Variants in BICD1 observed in about 807,000 individuals in gnomAD.
The protein encoded by BICD1 is BICD cargo adaptor 1, also known as protein bicaudal D homolog 1.
BICD1 carries 35 observed loss-of-function variants against 92.5 expected under a neutral mutation model. The ratio of observed to expected loss-of-function variants is 0.38; its 90% CI spans 0.29 to 0.50. The LOEUF is 0.50. Among genes scored for constraint, BICD1 ranks in the 20% least tolerant of loss-of-function variants. The pLI, the probability that BICD1 is intolerant of heterozygous loss-of-function variation, is 0.93. For missense variants in BICD1, 950 were observed against 1,189.8 expected, an observed-to-expected ratio of 0.80 and a Z score of 2.97; for synonymous variants, 429 against 465.1, an observed-to-expected ratio of 0.92 and a Z score of 1.00.
intron 9 of BICD1, among the ~76,000 whole-genome samples, chr12:32,368,335 C>T (rs1000012860): frequency 3.3e-5 from 5 of 151,950 alleles, no homozygotes; most frequent in Non-Finnish European, 2.9e-5. Flanking sequence ...GCACACCTGC[C>T]TGGTGAGTAA....
At chr12:32,274,121 C>G (rs139872714) in intron 2 of BICD1, among the ~76,000 whole-genome samples, 1 of 152,140 alleles carries the variant, frequency 6.6e-6, no homozygotes, top group Admixed American at 6.5e-5. Context: ...AAGAAGAGTT[C>G]TTTTCGACAC....
intron 4 of BICD1, among the ~76,000 whole-genome samples, chr12:32,326,696 A>G (rs1014283807): frequency 6.6e-6 from 1 of 152,166 alleles, no homozygotes; most frequent in African/African-American, 2.4e-5. Context: ...ACCAGCCTGG[A>G]CAACATAGCA....
chr12:32,347,958 T>A (rs969569859), intron 8 of BICD1, among the ~76,000 whole-genome samples: 1 of 152,214 alleles, frequency 6.6e-6, no homozygotes, highest in Non-Finnish European at 1.5e-5. Flanking sequence ...GGTTGATTAT[T>A]TCTTGTGCCT....
At chr12:32,209,328 C>A (rs901432211) in intron 1 of BICD1, among the ~76,000 whole-genome samples, 1 of 152,062 alleles carries the variant, frequency 6.6e-6, no homozygotes, top group African/African-American at 2.4e-5. Flanking sequence ...GAAACCAATA[C>A]AATGGGATAA....
chr12:32,338,846 A>C lies in BICD1; in HGVS notation c.2631A>C (p.Leu877=), dbSNP rs1345603799. ...CCAGGACTTCAGGGGCTTCCTACCT[A>C]CAGAATTTATTAAGAGTTCCCCCTG... ...SRPRTSGASY[L]QNLLRVPPDP... is the part of the protein sequence containing the mutation. The change falls in exon 8 of 10, where the codon CTA becomes CTC. Residue 877 remains leucine (L), a synonymous_variant. Coordinates refer to ENST00000652176, the MANE Select transcript of BICD1 (RefSeq NM_001714.4). 6.2e-7 allele frequency: 1 copy of C among 1,605,690 alleles called. No homozygotes were observed. The highest frequency in any genetic ancestry group is 1.7e-5 in the Admixed American group (1 of 58,470).
chr12:32,116,583 G>A (rs1399368836), intron 1 of BICD1, among the ~76,000 whole-genome samples: 3 of 150,962 alleles, frequency 2.0e-5, no homozygotes, highest in Admixed American at 6.6e-5. Context: ...ACAGTGGTGC[G>A]ATTACAGCCC....
chr12:32,234,471 C>A (rs1268643036), intron 2 of BICD1, among the ~76,000 whole-genome samples: 1 of 151,854 alleles, frequency 6.6e-6, no homozygotes, highest in East Asian at 2.0e-4. Context: ...GTGGCTCATG[C>A]CTGTAATCCC....
intron 1 of BICD1, among the ~76,000 whole-genome samples, chr12:32,128,307 A>G (rs1161448303): frequency 6.6e-6 from 1 of 152,204 alleles, no homozygotes; most frequent in Non-Finnish European, 1.5e-5. Flanking sequence ...TCTATTTGTG[A>G]TTTTTGAGGA....
At position 32,327,454 on chromosome 12, in the gene BICD1, A is replaced by G. The variant is rs756573420; in HGVS notation, c.1006-7A>G. The G allele has an allele frequency of 1.1e-5, 18 of 1,589,380 alleles. No homozygotes were observed. The highest frequency in any genetic ancestry group is 2.7e-5 in the African/African-American group (2 of 74,256). ...GGTGATTCAGAAACTTTCTTTTGCC[A>G]TTGCAGGTAGAGCGGGAAAAGGCCA... On this transcript the variant is annotated splice_polypyrimidine_tract_variant and splice_region_variant and intron_variant, in intron 4 of 9. Transcript: ENST00000652176.
Position 32,294,067 on chromosome 12 carries a change from G to C in BICD1, c.500G>C (p.Arg167Pro). The change falls in exon 3 of 10, where the codon CGG becomes CCG. Residue 167 changes from arginine to proline, a missense_variant. Coordinates refer to ENST00000652176, the MANE Select transcript of BICD1 (RefSeq NM_001714.4). ...EIREYKFREA[R>P]LLQDYTELEE... ...CGAGAATATAAGTTCCGGGAGGCAC[G>C]GCTCCTTCAGGACTATACTGAATTG... 6.2e-7 allele frequency: 1 copy of C among 1,612,794 alleles called. No homozygotes were observed. The highest frequency in any genetic ancestry group is 8.5e-7 in the Non-Finnish European group (1 of 1,179,638).
In BICD1 at chr12:32,382,138, T is replaced by C. The variant is rs1368805370; in HGVS notation, c.*4511T>C. Reference sequence around the variant, plus strand: ...AGTTCATCTTTATTTATATGCGAACTTAACTGCCATAGTCCCTAATGTATT... The same window carrying C: ...AGTTCATCTTTATTTATATGCGAACCTAACTGCCATAGTCCCTAATGTATT... On this transcript the variant is annotated 3_prime_UTR_variant, in exon 10 of 10. Transcript: ENST00000652176. 6.6e-6 allele frequency: 1 copy of C among 152,154 alleles called. No individual in the cohort carries two copies. The highest frequency in any genetic ancestry group is 2.4e-5 in the African/African-American group (1 of 41,464). 9.4% of individuals were successfully genotyped at this position (152,154 alleles called of 1,614,324 possible). A position where few individuals can be genotyped will look rare whatever the true frequency, so the allele number is the denominator to read the frequency against.
intron 1 of BICD1, among the ~76,000 whole-genome samples, chr12:32,176,219 G>A (rs956718111): frequency 6.6e-6 from 1 of 152,118 alleles, no homozygotes; most frequent in African/African-American, 2.4e-5. Flanking sequence ...GTGGACATAT[G>A]TTTTCATTTC....
intron 2 of BICD1, among the ~76,000 whole-genome samples, chr12:32,279,477 A>G (rs564454320): frequency 1.3e-5 from 2 of 152,362 alleles, no homozygotes; most frequent in South Asian, 4.1e-4. Flanking sequence ...CAATGTCAAT[A>G]CGTATTCGTT....
At chr12:32,263,057 C>T (rs1225509982) in intron 2 of BICD1, among the ~76,000 whole-genome samples, 1 of 151,598 alleles carries the variant, frequency 6.6e-6, no homozygotes, top group Non-Finnish European at 1.5e-5. Context: ...ATCACCTGAG[C>T]CCGGGCAGCC....
intron 1 of BICD1, among the ~76,000 whole-genome samples, chr12:32,188,803 C>T (rs1304090265): frequency 6.6e-6 from 1 of 151,878 alleles, no homozygotes; most frequent in Non-Finnish European, 1.5e-5. Context: ...TCTTGGCTCA[C>T]TGCAACCTCC....
chr12:32,237,787 G>T (rs1252542062), intron 2 of BICD1, among the ~76,000 whole-genome samples: 2 of 152,136 alleles, frequency 1.3e-5, no homozygotes, highest in Non-Finnish European at 1.5e-5. Flanking sequence ...ACTGCTCATT[G>T]ACAGTGTACC....
intron 8 of BICD1, among the ~76,000 whole-genome samples, chr12:32,351,934 C>T (rs2136306705): frequency 7.0e-6 from 1 of 142,102 alleles, no homozygotes; most frequent in South Asian, 2.3e-4. Flanking sequence ...TGGCCAGGCA[C>T]AGTGGCTCAC....
At chr12:32,153,148 T>A (rs934633053) in intron 1 of BICD1, among the ~76,000 whole-genome samples, 8 of 152,168 alleles carry the variant, frequency 5.3e-5, no homozygotes, top group African/African-American at 1.7e-4. Flanking sequence ...AGCTCTCATT[T>A]GTAAGTGAGA....
At chr12:32,324,113 G>A (rs1442855068) in intron 4 of BICD1, among the ~76,000 whole-genome samples, 3 of 150,460 alleles carry the variant, frequency 2.0e-5, no homozygotes, top group Admixed American at 6.6e-5. Context: ...GGCAGATCAC[G>A]AGGTCAGGAG....
Sources: gnomAD v4.1 joint callset for allele counts (sites outside exome capture counted in the v4.1 genomes callset) on GRCh38, gnomAD v4.1.1 for gene constraint, MANE v1.5 for transcripts, NCBI Gene and HGNC (gene_info 2026-07-23, HGNC 2026-07-21) for gene names.